The following SUCLG2 variants were observed in gnomAD, a reference collection of about 807,000 sequenced individuals.
The protein encoded by SUCLG2 is succinate-CoA ligase GDP-forming subunit beta, also known as succinate--CoA ligase [GDP-forming] subunit beta, mitochondrial.
In SUCLG2, 42 loss-of-function variants were observed where a neutral mutation model predicts 47.9. That is an observed-to-expected ratio of 0.88 (90% CI 0.69 to 1.14). The LOEUF (loss-of-function observed/expected upper bound fraction) is 1.14. Among genes scored for constraint, SUCLG2 ranks in the 50% most tolerant of loss-of-function variants. SUCLG2 has a pLI of 0.00. For synonymous variants in SUCLG2, 195 were observed against 197.3 expected (o/e 0.99, Z 0.10); for missense variants, 571 against 525.9 (o/e 1.09, Z -0.84).
rs75895008 is a variant in SUCLG2 at position 67,469,960 on chromosome 3, A to G, written c.1062+25838T>C. Among the ~76,000 whole-genome samples, 12 of 151,210 alleles carry G rather than the reference A, an allele frequency of 7.9e-5. No individual in the cohort carries two copies. The East Asian group carries it at 2.4e-3, about 30-fold the overall frequency. ...CTCAGGAGGCTGAGGCAGGGGAATC[A>G]CTTGAACCCAGGAGGTGGAGGTTGC... On this transcript the variant is annotated intron_variant, in intron 9 of 10. Coordinates refer to ENST00000307227, the MANE Select transcript of SUCLG2 (RefSeq NM_003848.4).
At chr3:67,426,298 T>C (rs1012832600) in intron 9 of SUCLG2, among the ~76,000 whole-genome samples, 6 of 152,182 alleles carry the variant, frequency 3.9e-5, no homozygotes, top group East Asian at 3.8e-4. Context: ...AACCAAAACA[T>C]ACTTGAAAGC....
chr3:67,504,223 G>C (rs377438645), intron 7 of SUCLG2, among the ~76,000 whole-genome samples: 9 of 150,152 alleles, frequency 6.0e-5, no homozygotes, highest in African/African-American at 2.0e-4. Flanking sequence ...TTTAGTGGCT[G>C]TGAAAAGAGA....
At chr3:67,608,637 G>A (rs1344576925) in intron 2 of SUCLG2, among the ~76,000 whole-genome samples, 1 of 151,354 alleles carries the variant, frequency 6.6e-6, no homozygotes, top group African/African-American at 2.4e-5. Flanking sequence ...CCCTCCCTAA[G>A]GGATACTGAA....
At chr3:67,439,557 T>C (rs1703707777) in intron 9 of SUCLG2, among the ~76,000 whole-genome samples, 1 of 152,312 alleles carries the variant, frequency 6.6e-6, no homozygotes, top group South Asian at 2.1e-4. Context: ...AAAATCAGTG[T>C]GTAAAAATCA....
At chr3:67,457,135 A>G (rs1403439097) in intron 9 of SUCLG2, among the ~76,000 whole-genome samples, 1 of 134,638 alleles carries the variant, frequency 7.4e-6, no homozygotes, top group Non-Finnish European at 1.7e-5. Context: ...CTTGCTCTTA[A>G]TGAAAGAATG....
downstream of SUCLG2, among the ~76,000 whole-genome samples, chr3:67,373,816 T>C (rs544950644): frequency 6.6e-6 from 1 of 152,310 alleles, no homozygotes; most frequent in African/African-American, 2.4e-5. Context: ...TCACATGTAA[T>C]GGCCAGCAGC....
At chr3:67,372,166 T>C (rs1031653267), downstream of SUCLG2, among the ~76,000 whole-genome samples, 4 of 152,170 alleles carry the variant, frequency 2.6e-5, no homozygotes, top group Non-Finnish European at 5.9e-5. Context: ...TGGATGACTA[T>C]ATGTTGGACG....
chr3:67,543,955 T>C (rs1377862761), intron 2 of SUCLG2, among the ~76,000 whole-genome samples: 1 of 152,170 alleles, frequency 6.6e-6, no homozygotes, highest in African/African-American at 2.4e-5. Context: ...GAAGATATCT[T>C]AAGGACACAT....
At chr3:67,632,255 T>C (rs990610443) in intron 1 of SUCLG2, among the ~76,000 whole-genome samples, 7 of 152,128 alleles carry the variant, frequency 4.6e-5, no homozygotes, top group African/African-American at 1.7e-4. Context: ...CGATCTCTGC[T>C]CACTGTAGCC....
intron 1 of SUCLG2, among the ~76,000 whole-genome samples, chr3:67,654,283 A>T (rs1444198624): frequency 6.6e-6 from 1 of 152,206 alleles, no homozygotes; most frequent in African/African-American, 2.4e-5. Context: ...TGGGTCGCTC[A>T]TACCCCGAGG....
At chr3:67,526,776 A>C (rs1376060486) in intron 4 of SUCLG2, among the ~76,000 whole-genome samples, 1 of 152,246 alleles carries the variant, frequency 6.6e-6, no homozygotes, top group Non-Finnish European at 1.5e-5. Context: ...CATGCTGGAA[A>C]ACATTCATCA....
intron 1 of SUCLG2, among the ~76,000 whole-genome samples, chr3:67,622,864 T>A (rs1298933595): frequency 2.0e-5 from 3 of 152,128 alleles, no homozygotes; most frequent in Admixed American, 6.5e-5. Context: ...TAAGCACCCA[T>A]CCCTGTGCTT....
At chr3:67,370,254 A>G (rs1267018848), downstream of SUCLG2, among the ~76,000 whole-genome samples, 1 of 152,224 alleles carries the variant, frequency 6.6e-6, no homozygotes, top group Non-Finnish European at 1.5e-5. Context: ...TATTTAAAAC[A>G]TAGGATAATT....
chr3:67,366,950 T>C (rs1237739474), intron 10 of SUCLG2, among the ~76,000 whole-genome samples: 1 of 152,220 alleles, frequency 6.6e-6, no homozygotes, highest in Non-Finnish European at 1.5e-5. Flanking sequence ...GAACAAAATG[T>C]GGCATAATTT....
chr3:67,379,293 C>A (rs760210547), intron 10 of SUCLG2, among the ~76,000 whole-genome samples: 1 of 152,146 alleles, frequency 6.6e-6, no homozygotes, highest in Non-Finnish European at 1.5e-5. Flanking sequence ...GGCCCTTCTT[C>A]CTCTTCCTTT....
At chr3:67,634,958 C>T (rs777569301) in intron 1 of SUCLG2, among the ~76,000 whole-genome samples, 5 of 152,124 alleles carry the variant, frequency 3.3e-5, no homozygotes, top group African/African-American at 1.2e-4. Context: ...GCCTTTAATC[C>T]TCAACTGTAA....
At position 67,475,988 on chromosome 3, in the gene SUCLG2, C is replaced by CCTCTCTCTCTCT. The variant is rs113119377; in HGVS notation, c.1062+19798_1062+19809dup. 9.4e-3 allele frequency among the ~76,000 whole-genome samples: 1,380 copies of CCTCTCTCTCTCT among 146,104 alleles called. 26 individuals are homozygous for CCTCTCTCTCTCT. The highest frequency in any genetic ancestry group is 0.063 in the East Asian group (313 of 4,940). On this transcript the variant is annotated intron_variant, in intron 9 of 10. Coordinates refer to ENST00000307227, the MANE Select transcript of SUCLG2 (RefSeq NM_003848.4). ...TGAGTATTCCTTCCCTTTCCTTCTC[C>CCTCTCTCTCTCT]CTCTCTCTCTCTCTCTCTCTCTCTC...
chr3:67,493,109 G>A (rs1262069769), intron 9 of SUCLG2, among the ~76,000 whole-genome samples: 2 of 152,090 alleles, frequency 1.3e-5, no homozygotes, highest in African/African-American at 4.8e-5. Context: ...GGGCTCTCAG[G>A]AACCTCTACT....
intron 9 of SUCLG2, among the ~76,000 whole-genome samples, chr3:67,482,287 G>C (rs1446123103): frequency 6.6e-6 from 1 of 152,180 alleles, no homozygotes; most frequent in African/African-American, 2.4e-5. Flanking sequence ...ACCACTAGAA[G>C]AGAAATATAG....
Sources: allele counts gnomAD v4.1 joint callset (sites outside exome capture counted in the v4.1 genomes callset), GRCh38; gene constraint gnomAD v4.1.1; transcripts MANE v1.5; gene names NCBI Gene and HGNC (gene_info 2026-07-23, HGNC 2026-07-21).